The following RPS6KA1 variants were observed in gnomAD, a reference collection of about 807,000 sequenced individuals.
The protein encoded by RPS6KA1 is ribosomal protein S6 kinase A1.
Under a neutral mutation model 91.3 loss-of-function variants are expected in RPS6KA1, and 48 were observed. The observed-to-expected ratio is 0.53, with a 90% CI of 0.42 to 0.67. The LOEUF is 0.67. Ranked by LOEUF, RPS6KA1 falls within the 30% of genes least tolerant of loss-of-function variation. The pLI, the probability that RPS6KA1 is intolerant of heterozygous loss-of-function variation, is 0.00. For missense variants in RPS6KA1, 719 were observed against 960.5 expected, an observed-to-expected ratio of 0.75 and a Z score of 3.32; for synonymous variants, 359 against 384.7, an observed-to-expected ratio of 0.93 and a Z score of 0.78.
intron 4 of RPS6KA1, among the ~76,000 whole-genome samples, chr1:26,548,369 C>T (rs1396938437): frequency 6.6e-6 from 1 of 152,042 alleles, no homozygotes; most frequent in Non-Finnish European, 1.5e-5. Context: ...AGGGTGGGCC[C>T]AGAGGCCAAG....
Position 26,554,344 on chromosome 1 carries a change from C to T in RPS6KA1, c.613+93C>T, listed in dbSNP as rs534633403. 1.9e-4 allele frequency: 252 copies of T among 1,356,620 alleles called. 2 individuals carry two copies. In the East Asian group the frequency reaches 4.5e-3, roughly 24 times the overall value. The allele number at this position is 1,356,620 out of a possible 1,614,324, so 84.0% of individuals were successfully genotyped here. The stretch of plus-strand genomic sequence containing the variant: ...CTGAGTGCTGGGGGCTCATTCTTCC[C>T]GAGAAGCCGTGCCAGTTACTTGGAA... On this transcript the variant is annotated intron_variant, in intron 8 of 21. Coordinates refer to ENST00000374168, the MANE Select transcript of RPS6KA1 (RefSeq NM_002953.4). This position sits in a 1 kb window ranked among gnomAD's most constrained non-coding sequence, Gnocchi z 4.6.
In RPS6KA1 at chr1:26,555,106, T is replaced by C; in HGVS notation, c.757-45T>C. 1 of 1,588,682 alleles carries C rather than the reference T, an allele frequency of 6.3e-7. No homozygotes were observed. Among genetic ancestry groups the C allele is most frequent in the Non-Finnish European group, 8.6e-7 (1 of 1,157,446 alleles). ...TGACTGGGAGGAGGCGGGAGGTGTGTCGGAGACAGGGATCAGAGCCTGAAT... is the reference window on the plus strand; with the variant it reads ...TGACTGGGAGGAGGCGGGAGGTGTGCCGGAGACAGGGATCAGAGCCTGAAT... On this transcript the variant is annotated intron_variant, in intron 9 of 21. Coordinates refer to ENST00000374168, the MANE Select transcript of RPS6KA1 (RefSeq NM_002953.4). The surrounding 1 kb of genome is among the most constrained non-coding windows in gnomAD (Gnocchi z 4.3).
chr1:26,529,948 TG>T lies in RPS6KA1; in HGVS notation c.30del (p.Trp10CysfsTer6). On this transcript the variant is annotated frameshift_variant, in exon 1 of 22. Coordinates refer to ENST00000374168, the MANE Select transcript of RPS6KA1 (RefSeq NM_002953.4). LOFTEE classifies it high-confidence loss of function. The surrounding 1 kb of genome is among the most constrained non-coding windows in gnomAD (Gnocchi z 4.2). MPLAQLKEP[W>X]PLMELVPLDP... is the part of the protein sequence containing the mutation. Reference sequence around the variant, plus strand: ...GCCGCTCGCCCAGCTCAAGGAGCCCTGGCCGCTCATGGAGCTAGTGCCTCTG... The same window carrying T: ...GCCGCTCGCCCAGCTCAAGGAGCCCTGCCGCTCATGGAGCTAGTGCCTCTG... The T allele has an allele frequency of 7.0e-7, 1 of 1,433,390 alleles. No individual in the cohort carries two copies. The highest frequency in any genetic ancestry group is 9.1e-7 in the Non-Finnish European group (1 of 1,094,498). The allele number at this position is 1,433,390 out of a possible 1,614,324, so 88.8% of individuals were successfully genotyped here.
At chr1:26,572,374 C>A in intron 20 of RPS6KA1, 81 bp downstream of exon 20, 1 of 890,186 alleles carries the variant, frequency 1.1e-6, no homozygotes, top group Non-Finnish European at 1.9e-6. Context: ...AGTTCATGAA[C>A]AGCCTCATTT....
chr1:26,561,419 C>T lies in RPS6KA1; in HGVS notation c.1432-86C>T. ...CAGAACACCTGCCCAAGGCTCATGT[C>T]ATTCTTCCCTGCTCTGGGGCGCTGC... On this transcript the variant is annotated intron_variant, in intron 16 of 21. Coordinates refer to ENST00000374168, the MANE Select transcript of RPS6KA1 (RefSeq NM_002953.4). The surrounding 1 kb of genome is among the most constrained non-coding windows in gnomAD (Gnocchi z 5.7). The T allele has an allele frequency of 6.4e-7, 1 of 1,555,270 alleles. No homozygotes were observed. Among genetic ancestry groups the T allele is most frequent in the African/African-American group, 1.4e-5 (1 of 73,840 alleles).
chr1:26,548,305 G>A (rs1002842898), intron 4 of RPS6KA1, among the ~76,000 whole-genome samples: 1 of 152,112 alleles, frequency 6.6e-6, no homozygotes, highest in South Asian at 2.1e-4. Context: ...TGTGACTGGT[G>A]TGCGTGGATA....
At chr1:26,559,738 G>A (rs1407752607) in intron 14 of RPS6KA1, among the ~76,000 whole-genome samples, 1 of 152,064 alleles carries the variant, frequency 6.6e-6, no homozygotes, top group African/African-American at 2.4e-5. Flanking sequence ...TGTAAATGGG[G>A]GAAATGATAG....
intron 2 of RPS6KA1, among the ~76,000 whole-genome samples, chr1:26,544,772 C>G (rs2075977882): frequency 6.8e-6 from 1 of 146,384 alleles, no homozygotes; most frequent in Admixed American, 6.9e-5. Flanking sequence ...CCACGCCCAG[C>G]CTGCCTGTTG....
rs774829086 is a variant in RPS6KA1 at position 26,571,792 on chromosome 1, C to T, written c.1753-57C>T. 29 of 1,553,610 alleles carry T rather than the reference C, an allele frequency of 1.9e-5. No homozygotes were observed. The highest frequency in any genetic ancestry group is 1.8e-4 in the Admixed American group (10 of 56,894). On this transcript the variant is annotated intron_variant, in intron 18 of 21. Coordinates refer to ENST00000374168, the MANE Select transcript of RPS6KA1 (RefSeq NM_002953.4). The surrounding 1 kb of genome is among the most constrained non-coding windows in gnomAD (Gnocchi z 5.1). Reference sequence around the variant, plus strand: ...CCTTGAGGGGAGTAGCAGGAAACATCTGTGGCGACTTTCTACTGCCCCCCC... The same window carrying T: ...CCTTGAGGGGAGTAGCAGGAAACATTTGTGGCGACTTTCTACTGCCCCCCC...
intron 1 of RPS6KA1, 82 bp from the exon 2 acceptor site, chr1:26,536,843 A>T: frequency 6.6e-7 from 1 of 1,512,260 alleles, no homozygotes; most frequent in Non-Finnish European, 9.2e-7. Context: ...GGAGCACCTA[A>T]GGGTGGGGGT....
At position 26,554,155 on chromosome 1, in the gene RPS6KA1, A is replaced by T; in HGVS notation, c.576-59A>T. ...AACCCAACTCCCACAGCCCTGTGGT[A>T]ACACCATCACCCACACGGCCACAGC... On this transcript the variant is annotated intron_variant, in intron 7 of 21. Transcript: ENST00000374168. This position sits in a 1 kb window ranked among gnomAD's most constrained non-coding sequence, Gnocchi z 4.6. The T allele has an allele frequency of 1.3e-6, 2 of 1,522,544 alleles. No individual in the cohort carries two copies. Among genetic ancestry groups the T allele is most frequent in the South Asian group, 1.2e-5 (1 of 82,262 alleles). The allele number at this position is 1,522,544 out of a possible 1,614,324, so 94.3% of individuals were successfully genotyped here. A position where few individuals can be genotyped will look rare whatever the true frequency, so the allele number is the denominator to read the frequency against.
At position 26,555,711 on chromosome 1, in the gene RPS6KA1, T is replaced by C; in HGVS notation, c.916+86T>C. 1 of 1,297,524 alleles carries C rather than the reference T, an allele frequency of 7.7e-7. No individual in the cohort carries two copies. The highest frequency in any genetic ancestry group is 1.1e-6 in the Non-Finnish European group (1 of 917,436). 80.4% of individuals were successfully genotyped at this position (1,297,524 alleles called of 1,614,324 possible). A position where few individuals can be genotyped will look rare whatever the true frequency, so the allele number is the denominator to read the frequency against. On this transcript the variant is annotated intron_variant, in intron 11 of 21. Coordinates refer to ENST00000374168, the MANE Select transcript of RPS6KA1 (RefSeq NM_002953.4). This position sits in a 1 kb window ranked among gnomAD's most constrained non-coding sequence, Gnocchi z 4.3. Reference sequence around the variant, plus strand: ...CTAGGCCACAGGGCCACATCTGGGCTGAAAGGGGCCGTTGTCCTTTGTGTG... The same window carrying C: ...CTAGGCCACAGGGCCACATCTGGGCCGAAAGGGGCCGTTGTCCTTTGTGTG...
chr1:26,558,382 A>G lies in RPS6KA1; in HGVS notation c.1085-425A>G, dbSNP rs2124648645. On this transcript the variant is annotated intron_variant, in intron 13 of 21. Coordinates refer to ENST00000374168, the MANE Select transcript of RPS6KA1 (RefSeq NM_002953.4). This position sits in a 1 kb window ranked among gnomAD's most constrained non-coding sequence, Gnocchi z 4.0. ...GGAGGTGAGGATCACAGGGCCCTCA[A>G]TTGCCAGACTCAGGAGCTGGACTTA... 6.6e-6 allele frequency among the ~76,000 whole-genome samples: 1 copy of G among 152,246 alleles called. No individual in the cohort carries two copies. The highest frequency in any genetic ancestry group is 1.5e-5 in the Non-Finnish European group (1 of 68,014).
At chr1:26,542,609 C>T (rs927837644) in intron 2 of RPS6KA1, among the ~76,000 whole-genome samples, 1 of 152,244 alleles carries the variant, frequency 6.6e-6, no homozygotes, top group Non-Finnish European at 1.5e-5. Flanking sequence ...TTCTGCCCGC[C>T]TTACCCATCC....
chr1:26,565,290 C>A (rs1250428525), intron 17 of RPS6KA1, among the ~76,000 whole-genome samples: 1 of 152,042 alleles, frequency 6.6e-6, no homozygotes, highest in Non-Finnish European at 1.5e-5. Flanking sequence ...AGGGGATGAC[C>A]AGGGAGCAGG....
At chr1:26,543,508 T>G (rs891701044) in intron 2 of RPS6KA1, among the ~76,000 whole-genome samples, 1 of 152,136 alleles carries the variant, frequency 6.6e-6, no homozygotes, top group Non-Finnish European at 1.5e-5. Flanking sequence ...GACTGCAGTT[T>G]TGTGGTGTTT....
chr1:26,565,671 C>T (rs1032326449), intron 17 of RPS6KA1, among the ~76,000 whole-genome samples: 4 of 151,934 alleles, frequency 2.6e-5, no homozygotes, highest in African/African-American at 9.7e-5. Flanking sequence ...AAGCAATTCT[C>T]CTGCCTCAGC....
At chr1:26,568,153 G>C (rs1337070734) in intron 17 of RPS6KA1, among the ~76,000 whole-genome samples, 1 of 152,232 alleles carries the variant, frequency 6.6e-6, no homozygotes, top group Non-Finnish European at 1.5e-5. Context: ...TGTAGTGACT[G>C]TCAGCTGGAG....
At chr1:26,533,175 G>A (rs1447746836) in intron 1 of RPS6KA1, among the ~76,000 whole-genome samples, 2 of 152,134 alleles carry the variant, frequency 1.3e-5, no homozygotes, top group East Asian at 1.9e-4. Flanking sequence ...CACCTCCCGG[G>A]TTCAAGTGAT....
Sources: allele counts gnomAD v4.1 joint callset (sites outside exome capture counted in the v4.1 genomes callset), GRCh38; gene constraint gnomAD v4.1.1; non-coding constraint Gnocchi (gnomAD v3.1); transcripts MANE v1.5; gene names NCBI Gene and HGNC (gene_info 2026-07-23, HGNC 2026-07-21).